The following DLGAP1 variants were observed in gnomAD, a reference collection of about 807,000 sequenced individuals.
DLGAP1 encodes the protein disks large-associated protein 1.
Under a neutral mutation model 90.8 loss-of-function variants are expected in DLGAP1, and 11 were observed. The ratio of observed to expected loss-of-function variants is 0.12; its 90% CI spans 0.08 to 0.20. The LOEUF (loss-of-function observed/expected upper bound fraction) is 0.20. Among genes scored for constraint, DLGAP1 ranks in the 10% least tolerant of loss-of-function variants. The pLI is 1.00. For missense variants in DLGAP1, 1,050 were observed against 1,333.8 expected (o/e 0.79, Z 3.31); for synonymous variants, 558 against 540.7 (o/e 1.03, Z -0.44).
At chr18:3,971,681 T>C (rs924394230) in intron 3 of DLGAP1, among the ~76,000 whole-genome samples, 2 of 152,192 alleles carry the variant, frequency 1.3e-5, no homozygotes, top group Non-Finnish European at 2.9e-5. Flanking sequence ...GTACTAAGGA[T>C]AACATAGAGA....
At chr18:3,585,284 T>C (rs889430708) in intron 7 of DLGAP1, among the ~76,000 whole-genome samples, 4 of 152,214 alleles carry the variant, frequency 2.6e-5, no homozygotes, top group African/African-American at 9.7e-5. Flanking sequence ...CTCAATTTAG[T>C]TTCTTGCATC....
chr18:3,576,503 C>T (rs1036772563), intron 8 of DLGAP1, among the ~76,000 whole-genome samples: 1 of 151,888 alleles, frequency 6.6e-6, no homozygotes, highest in Non-Finnish European at 1.5e-5. Context: ...TTGTGATCCG[C>T]CTGCCTTGAC....
At chr18:4,215,418 T>C (rs991650832) in intron 1 of DLGAP1, among the ~76,000 whole-genome samples, 4 of 152,122 alleles carry the variant, frequency 2.6e-5, no homozygotes, top group Admixed American at 6.6e-5. Context: ...TATTAACAAA[T>C]AACTAAGGGG....
chr18:3,602,595 A>G (rs2057120760), intron 7 of DLGAP1, among the ~76,000 whole-genome samples: 1 of 97,900 alleles, frequency 1.0e-5, no homozygotes, highest in African/African-American at 3.6e-5. Context: ...ACTCCGTCCA[A>G]AAAAAAAAAA....
At chr18:3,695,933 T>G (rs1399323793) in intron 7 of DLGAP1, among the ~76,000 whole-genome samples, 2 of 152,186 alleles carry the variant, frequency 1.3e-5, no homozygotes, top group Non-Finnish European at 2.9e-5. Context: ...GTAAGTTGTA[T>G]TTCTAGATAT....
At chr18:4,218,182 C>T (rs1481011170) in intron 1 of DLGAP1, among the ~76,000 whole-genome samples, 4 of 150,444 alleles carry the variant, frequency 2.7e-5, no homozygotes, top group African/African-American at 9.8e-5. Context: ...ACTGCCTTTG[C>T]TTCTTTGTCA....
chr18:3,633,418 A>G (rs938461252), intron 7 of DLGAP1, among the ~76,000 whole-genome samples: 4 of 151,358 alleles, frequency 2.6e-5, no homozygotes, highest in Non-Finnish European at 4.4e-5. Flanking sequence ...AAAAAAAAAA[A>G]AGCCTAAACT....
intron 1 of DLGAP1, among the ~76,000 whole-genome samples, chr18:4,407,696 T>C (rs371270974): frequency 6.6e-6 from 1 of 151,930 alleles, no homozygotes; most frequent in Non-Finnish European, 1.5e-5. Context: ...CTGGCCAACA[T>C]GGTGATACCC....
intron 1 of DLGAP1, among the ~76,000 whole-genome samples, chr18:4,347,708 T>C (rs1381905): frequency 0.29 from 44,776 of 151,878 alleles, 7,689 homozygotes; most frequent in South Asian, 0.47. Flanking sequence ...GGTATTTTAA[T>C]TGGACAACAC....
intron 1 of DLGAP1, among the ~76,000 whole-genome samples, chr18:4,269,493 A>G (rs998754316): frequency 1.3e-5 from 2 of 151,670 alleles, no homozygotes; most frequent in Non-Finnish European, 2.9e-5. Flanking sequence ...AGCTGGGACT[A>G]CAGGAGCCCA....
At chr18:3,847,000 CT>C (rs2069053644) in intron 4 of DLGAP1, among the ~76,000 whole-genome samples, 1 of 152,080 alleles carries the variant, frequency 6.6e-6, no homozygotes, top group Admixed American at 6.5e-5. Context: ...GTTAAATTAA[CT>C]TTACATCCCT....
At chr18:4,229,954 T>C (rs888653235) in intron 1 of DLGAP1, among the ~76,000 whole-genome samples, 1 of 151,978 alleles carries the variant, frequency 6.6e-6, no homozygotes, top group Non-Finnish European at 1.5e-5. Context: ...GAAAGTCTAA[T>C]AATGCAACTA....
intron 3 of DLGAP1, among the ~76,000 whole-genome samples, chr18:3,976,486 A>G (rs909599890): frequency 6.6e-6 from 1 of 152,228 alleles, no homozygotes; most frequent in Admixed American, 6.5e-5. Context: ...ACCCTAGCTT[A>G]CCACTGCTAT....
chr18:3,767,788 C>T (rs894974399), intron 5 of DLGAP1, among the ~76,000 whole-genome samples: 1 of 152,010 alleles, frequency 6.6e-6, no homozygotes, highest in Non-Finnish European at 1.5e-5. Context: ...TGATAAGGAA[C>T]ATCTAAAAAG....
intron 7 of DLGAP1, among the ~76,000 whole-genome samples, chr18:3,651,997 A>AC (rs1450942395): frequency 6.9e-6 from 1 of 144,178 alleles, no homozygotes; most frequent in Non-Finnish European, 1.5e-5. Context: ...AACAACAACA[A>AC]AAAACAAAAA....
intron 1 of DLGAP1, among the ~76,000 whole-genome samples, chr18:4,304,270 C>T (rs1598857076): frequency 1.3e-5 from 2 of 151,326 alleles, no homozygotes; most frequent in East Asian, 3.9e-4. Flanking sequence ...GAATTGTACA[C>T]TTTAAGATTG....
chr18:3,527,558 T>A (rs1330714654), intron 10 of DLGAP1, among the ~76,000 whole-genome samples: 2 of 151,388 alleles, frequency 1.3e-5, no homozygotes, highest in African/African-American at 4.9e-5. Context: ...TGAGTTTTTG[T>A]TTTTTTAGTT....
At position 3,664,215 on chromosome 18, in the gene DLGAP1, CA is replaced by C. The variant is rs1567923467; in HGVS notation, c.1591+64919del. Among the ~76,000 whole-genome samples, 428 of 88,544 alleles carry C rather than the reference CA, an allele frequency of 4.8e-3. 2 individuals carry two copies. Among genetic ancestry groups the C allele is most frequent in the African/African-American group, 0.022 (383 of 17,676 alleles). 58.1% of individuals were successfully genotyped at this position (88,544 alleles called of 152,430 possible). On this transcript the variant is annotated intron_variant, in intron 7 of 12. Coordinates refer to ENST00000315677, the MANE Select transcript of DLGAP1 (RefSeq NM_004746.4). Reference sequence around the variant, plus strand: ...ACACACACACACACACACACACACACACCCACACACACACACACACACGGAT... The same window carrying C: ...ACACACACACACACACACACACACACCCCACACACACACACACACACGGAT...
intron 3 of DLGAP1, among the ~76,000 whole-genome samples, chr18:3,920,370 A>G (rs1372608866): frequency 6.6e-6 from 1 of 151,616 alleles, no homozygotes; most frequent in Admixed American, 6.6e-5. Context: ...AAAAAAAAAA[A>G]AAAGCACTGG....
Sources: allele counts gnomAD v4.1 joint callset (sites outside exome capture counted in the v4.1 genomes callset), GRCh38; gene constraint gnomAD v4.1.1; transcripts MANE v1.5; gene names NCBI Gene and HGNC (gene_info 2026-07-23, HGNC 2026-07-21).